CRTAM: variants seen among roughly 807,000 people sequenced by gnomAD.
CRTAM encodes cytotoxic and regulatory T-cell molecule.
CRTAM carries 44 observed loss-of-function variants against 50.0 expected under a neutral mutation model. That is an observed-to-expected ratio of 0.88 (90% CI 0.69 to 1.13). CRTAM has a LOEUF of 1.13. Ranked by LOEUF, CRTAM falls within the 50% of genes most tolerant of loss-of-function variation. CRTAM has a pLI of 0.00. For missense variants in CRTAM, 448 were observed against 457.5 expected (o/e 0.98, Z 0.19); for synonymous variants, 159 against 169.3 (o/e 0.94, Z 0.47).
chr11:122,839,730 G>A (rs1861776951), intron 1 of CRTAM, among the ~76,000 whole-genome samples: 1 of 152,098 alleles, frequency 6.6e-6, no homozygotes, highest in African/African-American at 2.4e-5. Context: ...TGCTTTTTGT[G>A]TGTTTGTTAC....
At chr11:122,839,278 A>G (rs1423741705) in intron 1 of CRTAM, among the ~76,000 whole-genome samples, 1 of 152,308 alleles carries the variant, frequency 6.6e-6, no homozygotes, top group Admixed American at 6.5e-5. Context: ...TCTTAGCCAA[A>G]CGATTTAATC....
At chr11:122,865,155 GC>G (rs1440830257) in intron 7 of CRTAM, among the ~76,000 whole-genome samples, 3 of 151,842 alleles carry the variant, frequency 2.0e-5, no homozygotes, top group African/African-American at 7.3e-5. Flanking sequence ...TCCTGCCTTA[GC>G]CTCCCGAGTA....
intron 9 of CRTAM, among the ~76,000 whole-genome samples, chr11:122,870,940 A>G (rs143702296): frequency 1.3e-5 from 2 of 152,132 alleles, no homozygotes; most frequent in African/African-American, 4.8e-5. Flanking sequence ...TTAGCTGGGC[A>G]TGGTAGTGTG....
chr11:122,856,134 G>A (rs190555566), intron 5 of CRTAM, among the ~76,000 whole-genome samples: 18 of 152,230 alleles, frequency 1.2e-4, no homozygotes, highest in Admixed American at 3.9e-4. Context: ...ACTTTAAATC[G>A]TTTTATTGCT....
chr11:122,844,406 T>C (rs1291100729), intron 1 of CRTAM, among the ~76,000 whole-genome samples: 1 of 152,236 alleles, frequency 6.6e-6, no homozygotes, highest in African/African-American at 2.4e-5. Context: ...GGTAAGAACG[T>C]TGGCAAAACT....
Position 122,850,071 on chromosome 11 carries a change from C to A in CRTAM, c.50C>A (p.Ala17Asp). The change falls in exon 2 of 10, where the codon GCC becomes GAC. Residue 17 changes from alanine to aspartate, a missense_variant. Ala to Asp is a moderately radical substitution (Grantham distance 126). Coordinates refer to ENST00000227348, the MANE Select transcript of CRTAM (RefSeq NM_019604.4). ...SLLAWFPLQEASLTNHTETIT... is the reference protein window; with the variant it reads ...SLLAWFPLQEDSLTNHTETIT... ...CCCCATTTCTCTTCCTCCACAGAGG[C>A]CTCTCTGACTAACCACACAGAAACC... is the stretch of plus-strand genomic sequence containing the variant. The A allele has an allele frequency of 6.2e-7, 1 of 1,606,476 alleles. No homozygotes were observed. The highest frequency in any genetic ancestry group is 8.5e-7 in the Non-Finnish European group (1 of 1,175,216).
At chr11:122,861,416 ATATATTTTTTTTTTT>A (rs1565291866) in intron 5 of CRTAM, among the ~76,000 whole-genome samples, 5 of 21,858 alleles carry the variant, frequency 2.3e-4, no homozygotes, top group African/African-American at 1.0e-3. Context: ...ATATATATAT[ATATATTTTTTTTTTT>A]TTTTTTTTTT....
chr11:122,850,082 A>G lies in CRTAM; in HGVS notation c.61A>G (p.Asn21Asp). The change falls in exon 2 of 10, where the codon AAC becomes GAC. Residue 21 changes from asparagine to aspartate, a missense_variant. Transcript: ENST00000227348. ...TTCCTCCACAGAGGCCTCTCTGACTAACCACACAGAAACCATCACCGTGGA... is the reference window on the plus strand; with the variant it reads ...TTCCTCCACAGAGGCCTCTCTGACTGACCACACAGAAACCATCACCGTGGA... ...WFPLQEASLT[N>D]HTETITVEEG... is the part of the protein sequence containing the mutation. The G allele has an allele frequency of 1.2e-6, 2 of 1,610,226 alleles. No individual in the cohort carries two copies. Among genetic ancestry groups the G allele is most frequent in the Non-Finnish European group, 1.7e-6 (2 of 1,177,670 alleles).
At chr11:122,859,435 A>AC (rs112352622) in intron 5 of CRTAM, among the ~76,000 whole-genome samples, 29,061 of 151,792 alleles carry the variant, frequency 0.19, 3,322 homozygotes, top group Admixed American at 0.36. Flanking sequence ...TTTAATGAAA[A>AC]AAAAAGTATA....
chr11:122,870,319 G>T (rs1862237812), intron 9 of CRTAM, among the ~76,000 whole-genome samples: 1 of 152,002 alleles, frequency 6.6e-6, no homozygotes, highest in African/African-American at 2.4e-5. Flanking sequence ...GGACTCAAGT[G>T]ATCCACCCAC....
intron 1 of CRTAM, among the ~76,000 whole-genome samples, chr11:122,840,479 G>T (rs1202158516): frequency 6.6e-6 from 1 of 152,074 alleles, no homozygotes; most frequent in African/African-American, 2.4e-5. Context: ...TGGATCAAAA[G>T]TTGGAAAACC....
intron 1 of CRTAM, among the ~76,000 whole-genome samples, chr11:122,839,390 G>A (rs1861773015): frequency 6.6e-6 from 1 of 152,204 alleles, no homozygotes; most frequent in East Asian, 1.9e-4. Context: ...AAATGTGAAA[G>A]CACTTTGAAA....
At chr11:122,867,985 T>C in intron 8 of CRTAM, 28 bp from the exon 9 acceptor site, 1 of 1,356,102 alleles carries the variant, frequency 7.4e-7, no homozygotes, top group Non-Finnish European at 1.1e-6. Flanking sequence ...GCATCAGAAA[T>C]TAGTTGCTTG....
At chr11:122,861,385 CGTATATAT>C (rs1295394114) in intron 5 of CRTAM, among the ~76,000 whole-genome samples, 1 of 53,760 alleles carries the variant, frequency 1.9e-5, no homozygotes, top group Non-Finnish European at 3.1e-5. Flanking sequence ...CATACATATA[CGTATATAT>C]ATATATATAT....
chr11:122,867,901 G>C, intron 8 of CRTAM, 112 bp from the exon 9 acceptor site: 1 of 682,732 alleles, frequency 1.5e-6, no homozygotes, highest in South Asian at 1.9e-5. Flanking sequence ...GTTATGGGAG[G>C]GGCATGGTAA....
chr11:122,843,340 G>A (rs931816278), intron 1 of CRTAM, among the ~76,000 whole-genome samples: 1 of 152,154 alleles, frequency 6.6e-6, no homozygotes, highest in Non-Finnish European at 1.5e-5. Context: ...ATAACATATG[G>A]TCATGCATGG....
chr11:122,863,843 C>T (rs577622740), intron 6 of CRTAM, among the ~76,000 whole-genome samples: 23 of 152,094 alleles, frequency 1.5e-4, no homozygotes, highest in Non-Finnish European at 2.1e-4. Context: ...TCCATTTCTA[C>T]GATTTTATTA....
intron 1 of CRTAM, among the ~76,000 whole-genome samples, chr11:122,845,030 G>C (rs1861845076): frequency 6.6e-6 from 1 of 152,178 alleles, no homozygotes; most frequent in Non-Finnish European, 1.5e-5. Flanking sequence ...GGCCAGATGA[G>C]ATGACCTATG....
chr11:122,842,485 G>T (rs1013331296), intron 1 of CRTAM, among the ~76,000 whole-genome samples: 1 of 152,078 alleles, frequency 6.6e-6, no homozygotes, highest in Non-Finnish European at 1.5e-5. Flanking sequence ...CACTATGTCG[G>T]CCAGGCTGGT....
Sources: gnomAD v4.1 joint callset for allele counts (sites outside exome capture counted in the v4.1 genomes callset) on GRCh38, gnomAD v4.1.1 for gene constraint, MANE v1.5 for transcripts, NCBI Gene and HGNC (gene_info 2026-07-23, HGNC 2026-07-21) for gene names.